The following ANK3 variants were observed in gnomAD, a reference collection of about 807,000 sequenced individuals.
ANK3 encodes the protein ankyrin-3.
In ANK3, 57 loss-of-function variants were observed where a neutral mutation model predicts 370.9. The ratio of observed to expected loss-of-function variants is 0.15; its 90% CI spans 0.12 to 0.19. The LOEUF (loss-of-function observed/expected upper bound fraction) is 0.19, where lower values mean the gene tolerates loss of function less well. Ranked by LOEUF, ANK3 falls within the 10% of genes least tolerant of loss-of-function variation. The pLI, the probability that ANK3 is intolerant of heterozygous loss-of-function variation, is 1.00. For synonymous variants in ANK3, 1,929 were observed against 1,946.3 expected (o/e 0.99, Z 0.23); for missense variants, 4,439 against 5,302.1 (o/e 0.84, Z 5.06).
chr10:60,563,193 G>GA (rs2077379653), intron 2 of ANK3, among the ~76,000 whole-genome samples: 1 of 152,118 alleles, frequency 6.6e-6, no homozygotes, highest in African/African-American at 2.4e-5. Context: ...TCAGATTTAT[G>GA]ATTAAGCAAG....
chr10:60,701,397 A>C (rs192868805), intron 1 of ANK3, among the ~76,000 whole-genome samples: 1 of 152,078 alleles, frequency 6.6e-6, no homozygotes, highest in East Asian at 1.9e-4. Context: ...ATTGATCTCA[A>C]AGATACACTA....
At chr10:60,565,077 A>C (rs1221197445) in intron 2 of ANK3, among the ~76,000 whole-genome samples, 1 of 152,098 alleles carries the variant, frequency 6.6e-6, no homozygotes, top group African/African-American at 2.4e-5. Flanking sequence ...AATGGAACAT[A>C]TAGTCCTACG....
At position 60,068,625 on chromosome 10, in the gene ANK3, C is replaced by T. The variant is rs1469787540; in HGVS notation, c.12244+12G>A. 3 of 1,585,516 alleles carry T rather than the reference C, an allele frequency of 1.9e-6. No individual in the cohort carries two copies. Among genetic ancestry groups the T allele is most frequent in the Admixed American group, 3.6e-5 (2 of 55,494 alleles). ...CAGAGTGCTCGAGAGACCTGACTGC[C>T]TTCATTCTCACCAGTCCTTCTACTG... On this transcript the variant is annotated intron_variant, in intron 37 of 43. Coordinates refer to ENST00000280772, the MANE Select transcript of ANK3 (RefSeq NM_020987.5).
At chr10:60,392,512 C>A (rs1318065580), upstream of ANK3, among the ~76,000 whole-genome samples, 13 of 152,124 alleles carry the variant, frequency 8.5e-5, no homozygotes, top group African/African-American at 3.1e-4. Flanking sequence ...CCAGTCAGGC[C>A]GACGGTCACC....
At chr10:60,257,072 C>T (rs1172182460) in intron 7 of ANK3, among the ~76,000 whole-genome samples, 5 of 152,208 alleles carry the variant, frequency 3.3e-5, no homozygotes, top group African/African-American at 7.2e-5. Flanking sequence ...AACTAATTTA[C>T]GTTCCTACCA....
chr10:60,326,145 G>T (rs2049807338), intron 1 of ANK3, among the ~76,000 whole-genome samples: 1 of 152,032 alleles, frequency 6.6e-6, no homozygotes, highest in Non-Finnish European at 1.5e-5. Context: ...AGGGTGGGAG[G>T]AGAGAGAGGA....
In ANK3 at chr10:60,279,768, G is replaced by T. The variant is rs1341448415; in HGVS notation, c.115-129C>A. 1.6e-5 allele frequency: 12 copies of T among 742,608 alleles called. 1 individual carries two copies. In the Admixed American group the frequency reaches 1.9e-4, roughly 12 times the overall value. 46.0% of individuals were successfully genotyped at this position (742,608 alleles called of 1,614,324 possible). On this transcript the variant is annotated intron_variant, in intron 1 of 43. Transcript: ENST00000280772. Reference sequence around the variant, plus strand: ...TTCTAACATGAAAATATGAATAAAAGTTCTTTGTAAAAAGAACCAAGAAAA... The same window carrying T: ...TTCTAACATGAAAATATGAATAAAATTTCTTTGTAAAAAGAACCAAGAAAA...
chr10:60,676,890 A>G (rs142753697), intron 1 of ANK3, among the ~76,000 whole-genome samples: 215 of 152,306 alleles, frequency 1.4e-3, no homozygotes, highest in African/African-American at 5.0e-3. Context: ...AAAAGAGAAG[A>G]CTTGGAATGT....
At chr10:60,230,845 C>A (rs886620956) in intron 8 of ANK3, among the ~76,000 whole-genome samples, 2 of 149,988 alleles carry the variant, frequency 1.3e-5, no homozygotes, top group African/African-American at 4.9e-5. Context: ...GCCGAGATTG[C>A]GCCACTGCAC....
chr10:60,184,913 C>T (rs1413022407), intron 17 of ANK3, among the ~76,000 whole-genome samples: 2 of 152,140 alleles, frequency 1.3e-5, no homozygotes, highest in Non-Finnish European at 2.9e-5. Flanking sequence ...AGAGAAAATA[C>T]ACTCTGATAC....
intron 2 of ANK3, among the ~76,000 whole-genome samples, chr10:60,593,871 T>C (rs1387154266): frequency 6.6e-6 from 1 of 152,214 alleles, no homozygotes; most frequent in African/African-American, 2.4e-5. Context: ...GAAATGCCTG[T>C]AAGCTTTGAC....
intron 2 of ANK3, among the ~76,000 whole-genome samples, chr10:60,473,966 C>CA (rs139841930): frequency 0.15 from 13,824 of 92,484 alleles, 1,119 homozygotes; most frequent in East Asian, 0.21. Context: ...CCTGTTTCTA[C>CA]AAAAAAAAAA....
chr10:60,296,735 C>T (rs1220590933), intron 1 of ANK3, among the ~76,000 whole-genome samples: 1 of 152,090 alleles, frequency 6.6e-6, no homozygotes, highest in Non-Finnish European at 1.5e-5. Flanking sequence ...CTGTAAATCC[C>T]AGCACTTTGG....
chr10:60,733,223 G>A, intron 1 of ANK3: 1 of 1,239,262 alleles, frequency 8.1e-7, no homozygotes, highest in Non-Finnish European at 1.0e-6. Flanking sequence ...ATGCCCCTGG[G>A]TGAAGGCAGC....
chr10:60,662,713 G>A (rs1284493488), intron 1 of ANK3, among the ~76,000 whole-genome samples: 1 of 152,092 alleles, frequency 6.6e-6, no homozygotes, highest in African/African-American at 2.4e-5. Flanking sequence ...AAACATAAAC[G>A]CAAGCTTCAA....
At chr10:60,264,156 T>C in intron 5 of ANK3, 136 bp from the exon 6 acceptor site, 1 of 648,732 alleles carries the variant, frequency 1.5e-6, no homozygotes, top group Non-Finnish European at 2.5e-6. Context: ...CATATTTGAA[T>C]GGACAGAAAT....
intron 39 of ANK3, among the ~76,000 whole-genome samples, chr10:60,063,544 C>T (rs552264437): frequency 1.3e-5 from 2 of 152,324 alleles, no homozygotes; most frequent in Admixed American, 1.3e-4. Context: ...ACTAAAGTTT[C>T]CTTTCCTCTT....
intron 17 of ANK3, among the ~76,000 whole-genome samples, chr10:60,185,548 AT>A (rs945890644): frequency 6.6e-6 from 1 of 152,190 alleles, no homozygotes; most frequent in African/African-American, 2.4e-5. Context: ...TGTTGAAAGT[AT>A]TTAAATTACT....
intron 2 of ANK3, among the ~76,000 whole-genome samples, chr10:60,561,175 C>T (rs1332842314): frequency 6.6e-6 from 1 of 152,184 alleles, no homozygotes; most frequent in African/African-American, 2.4e-5. Flanking sequence ...CTTAATTTTT[C>T]ACTAAGTACA....
Sources: allele counts gnomAD v4.1 joint callset (sites outside exome capture counted in the v4.1 genomes callset), GRCh38; gene constraint gnomAD v4.1.1; transcripts MANE v1.5; gene names NCBI Gene and HGNC (gene_info 2026-07-23, HGNC 2026-07-21).